PDE1C: variants seen among roughly 807,000 people sequenced by gnomAD.
PDE1C encodes dual specificity calcium/calmodulin-dependent 3',5'-cyclic nucleotide phosphodiesterase 1C.
PDE1C carries 62 observed loss-of-function variants against 93.1 expected under a neutral mutation model. The observed-to-expected ratio is 0.67, with a 90% CI of 0.54 to 0.82. PDE1C has a LOEUF of 0.82. Among genes scored for constraint, PDE1C ranks in the 40% least tolerant of loss-of-function variants. PDE1C has a pLI of 0.00. For synonymous variants in PDE1C, 325 were observed against 310.1 expected (o/e 1.05, Z -0.50); for missense variants, 742 against 884.6 (o/e 0.84, Z 2.04).
chr7:32,406,133 A>C (rs1785046343), intron 1 of PDE1C, among the ~76,000 whole-genome samples: 1 of 152,192 alleles, frequency 6.6e-6, no homozygotes, highest in Non-Finnish European at 1.5e-5. Context: ...CAGAGGCCTA[A>C]AAGCACACTA....
rs745307743 is a variant in PDE1C, at chr7:32,070,401, G to T, written c.-8C>A. 4 of 1,614,034 alleles carry T rather than the reference G, an allele frequency of 2.5e-6. No homozygotes were observed. In the African/African-American group the frequency reaches 5.3e-5, roughly 22 times the overall value. ...CTTGGTTGGCGACTCCATAGCTGCA[G>T]GTAGGTGACCACTGGCGGTGAAGCT... On this transcript the variant is annotated 5_prime_UTR_variant, in exon 1 of 18. In the 5' UTR this introduces an upstream ATG that the reference lacks. Coordinates refer to ENST00000396191, the MANE Select transcript of PDE1C (RefSeq NM_001191057.4).
intron 2 of PDE1C, among the ~76,000 whole-genome samples, chr7:32,043,822 C>T (rs902884464): frequency 6.6e-6 from 1 of 152,196 alleles, no homozygotes; most frequent in Non-Finnish European, 1.5e-5. Context: ...GTCTTGCTGA[C>T]CTCACAGGCC....
chr7:32,377,935 G>T (rs938609403), intron 1 of PDE1C, among the ~76,000 whole-genome samples: 18 of 152,282 alleles, frequency 1.2e-4, no homozygotes, highest in Middle Eastern at 3.4e-3. Flanking sequence ...GTGATTTCTG[G>T]TGCACAAGAG....
At chr7:32,203,887 C>T (rs1383588775) in intron 2 of PDE1C, among the ~76,000 whole-genome samples, 1 of 152,142 alleles carries the variant, frequency 6.6e-6, no homozygotes, top group Non-Finnish European at 1.5e-5. Flanking sequence ...ATAGAAAATT[C>T]GCTCTCCCTG....
rs1794234827 is a variant in PDE1C at position 31,753,430 on chromosome 7, T to C, written c.2084A>G (p.Lys695Arg). 6.2e-7 allele frequency: 1 copy of C among 1,612,608 alleles called. No homozygotes were observed. The highest frequency in any genetic ancestry group is 8.5e-7 in the Non-Finnish European group (1 of 1,179,740). ...TGAGATGTTCTGAATCTTTTTCATT[T>C]TGATCCTCTGATCCAGCATCTTGTA... The part of the protein sequence containing the change: ...ARYKMLDQRI[K>R]MKKIQNISHN... Residue 695 changes from lysine to arginine, a missense_variant, in exon 18 of 18, where the codon AAA (lysine) becomes AGA (arginine). Physicochemically the swap from Lys to Arg is conservative, Grantham distance 26. Coordinates refer to ENST00000396191, the MANE Select transcript of PDE1C (RefSeq NM_001191057.4).
At chr7:32,374,256 G>GAAGAAAGAGAGAAAGAAAGA (rs1784389444) in intron 1 of PDE1C, among the ~76,000 whole-genome samples, 1 of 113,250 alleles carries the variant, frequency 8.8e-6, no homozygotes, top group Admixed American at 9.8e-5. Context: ...GAAAGGAAAG[G>GAAGAAAGAGAGAAAGAAAGA]AAGAAAGAAA....
the PDE1C span, among the ~76,000 whole-genome samples, chr7:31,726,960 C>T: frequency 1.2e-3 from 190 of 152,122 alleles, 1 homozygote; most frequent in African/African-American, 4.1e-3. Flanking sequence ...CACTTGAACC[C>T]GGGAGGTGGA....
intron 2 of PDE1C, among the ~76,000 whole-genome samples, chr7:32,186,087 GTTTTTTTTTTTT>G (rs10561469): frequency 7.8e-6 from 1 of 128,570 alleles, no homozygotes; most frequent in Non-Finnish European, 1.7e-5. Context: ...TTGTTTTTTT[GTTTTTTTTTTTT>G]TTTTTTTTTT....
rs1784016934 is a variant in PDE1C, at chr7:31,786,901, CTATCTATCTATCTATCTATCTAT to C, written c.1892-11192_1892-11170del. On this transcript the variant is annotated intron_variant, in intron 16 of 17. Transcript: ENST00000396191. ...GAAGAAAATATATTATATTATCTAT[CTATCTATCTATCTATCTATCTAT>C]CTATCTATCTATCTATCTATCTATC... is the stretch of plus-strand genomic sequence containing the variant. 9 of 4,506 alleles carry C rather than the reference CTATCTATCTATCTATCTATCTAT, an allele frequency of 2.0e-3. No homozygotes were observed. In the Non-Finnish European group the frequency reaches 0.021, roughly 10 times the overall value. 0.3% of individuals were successfully genotyped at this position (4,506 alleles called of 1,614,324 possible).
rs544887540 is a variant in PDE1C, at chr7:32,123,120, G to C, written c.308+46665C>G. ...TAAACTAGAAAATCTAGAAGAAATA[G>C]ATAAATTCCTGGACACATACACCCT... On this transcript the variant is annotated intron_variant, in intron 3 of 18. Transcript: ENST00000396193. Among the ~76,000 whole-genome samples, 6 of 152,152 alleles carry C rather than the reference G, an allele frequency of 3.9e-5. No homozygotes were observed. The South Asian group carries it at 1.2e-3, about 32-fold the overall frequency.
intron 5 of PDE1C, among the ~76,000 whole-genome samples, chr7:31,876,298 T>TAG (rs1796579582): frequency 6.6e-6 from 1 of 152,194 alleles, no homozygotes; most frequent in South Asian, 2.1e-4. Flanking sequence ...GCAATTTATT[T>TAG]AGAGAGCTAG....
At chr7:32,086,440 T>G (rs1305282175) in intron 3 of PDE1C, among the ~76,000 whole-genome samples, 4 of 152,162 alleles carry the variant, frequency 2.6e-5, no homozygotes, top group Admixed American at 6.5e-5. Context: ...CAAGGTAATT[T>G]ATAGATTCAA....
chr7:31,903,324 C>T (rs1279513571), intron 2 of PDE1C, among the ~76,000 whole-genome samples: 1 of 151,714 alleles, frequency 6.6e-6, no homozygotes, highest in Non-Finnish European at 1.5e-5. Flanking sequence ...ATGGAATGCT[C>T]AAAACTTTTA....
At chr7:31,843,474 G>A (rs1792169410) in intron 9 of PDE1C, among the ~76,000 whole-genome samples, 1 of 151,246 alleles carries the variant, frequency 6.6e-6, no homozygotes, top group Non-Finnish European at 1.5e-5. Flanking sequence ...CCTTTTTCTT[G>A]CAGTTCATTT....
chr7:32,136,845 C>T (rs55931812), intron 3 of PDE1C, among the ~76,000 whole-genome samples: 30,806 of 152,070 alleles, frequency 0.2, 3,766 homozygotes, highest in Middle Eastern at 0.31. Flanking sequence ...TCCCTCCTTT[C>T]GCAAAAATTA....
In PDE1C at chr7:32,266,526, C is replaced by T. The variant is rs139571597; in HGVS notation, c.85+32125G>A. 9.9e-5 allele frequency among the ~76,000 whole-genome samples: 15 copies of T among 152,174 alleles called. No individual in the cohort carries two copies. The East Asian group carries it at 2.5e-3, about 25-fold the overall frequency. On this transcript the variant is annotated intron_variant, in intron 1 of 18. Transcript: ENST00000396193. ...AAAAAATAAAAAGCCTTTCCTTCGG[C>T]GATTACATGCTAATTGATGGGTGAG...
intron 1 of PDE1C, among the ~76,000 whole-genome samples, chr7:32,281,189 G>A (rs1194734322): frequency 6.6e-6 from 1 of 151,912 alleles, no homozygotes; most frequent in Admixed American, 6.6e-5. Flanking sequence ...AAACTATAAA[G>A]TACTAGAAGA....
intron 16 of PDE1C, 100 bp downstream of exon 16, chr7:31,808,931 A>C: frequency 1.5e-6 from 1 of 677,012 alleles, no homozygotes; most frequent in South Asian, 1.8e-5. Context: ...GGATATAAGA[A>C]TATATTCACA....
intron 2 of PDE1C, among the ~76,000 whole-genome samples, chr7:32,001,978 G>T (rs1204651527): frequency 6.6e-6 from 1 of 152,128 alleles, no homozygotes; most frequent in Non-Finnish European, 1.5e-5. Context: ...AGAATCACTT[G>T]AACCCAGGAG....
Sources: gnomAD v4.1 joint callset for allele counts (sites outside exome capture counted in the v4.1 genomes callset) on GRCh38, gnomAD v4.1.1 for gene constraint, MANE v1.5 for transcripts, NCBI Gene and HGNC (gene_info 2026-07-23, HGNC 2026-07-21) for gene names.